MECOM: variants seen among roughly 807,000 people sequenced by gnomAD.
MECOM encodes the protein MDS1 and EVI1 complex locus, also known as histone-lysine N-methyltransferase MECOM.
Under a neutral mutation model 116.3 loss-of-function variants are expected in MECOM, and 13 were observed. The observed-to-expected ratio is 0.11, with a 90% confidence interval of 0.07 to 0.18. The LOEUF is 0.18. Among genes scored for constraint, MECOM ranks in the 10% least tolerant of loss-of-function variants. The pLI is 1.00. For synonymous variants in MECOM, 528 were observed against 535.2 expected (o/e 0.99, Z 0.19); for missense variants, 1,299 against 1,509.0 (o/e 0.86, Z 2.31).
chr3:169,429,800 T>G (rs1227183803), intron 1 of MECOM, among the ~76,000 whole-genome samples: 1 of 152,170 alleles, frequency 6.6e-6, no homozygotes, highest in Non-Finnish European at 1.5e-5. Flanking sequence ...TTACCACTTC[T>G]CTACGTCAGT....
chr3:169,473,398 G>A (rs7613621), intron 1 of MECOM, among the ~76,000 whole-genome samples: 62,097 of 152,020 alleles, frequency 0.41, 13,254 homozygotes, highest in Middle Eastern at 0.49. Flanking sequence ...TTGAAATTCA[G>A]CAACACGATT....
intron 1 of MECOM, among the ~76,000 whole-genome samples, chr3:169,427,741 T>G (rs1209245475): frequency 2.0e-5 from 3 of 152,206 alleles, no homozygotes; most frequent in Non-Finnish European, 4.4e-5. Context: ...TTGCTATCTT[T>G]TCTATCATTG....
rs16853321 is a variant in MECOM, at chr3:169,215,380, C to T, written c.376-71548G>A. On this transcript the variant is annotated intron_variant, in intron 2 of 16. Transcript: ENST00000651503. ...ATTTAAACATGAATCCGTGGAGCTC[C>T]TCCTTTTCTGAAATCCTCCATTTCT... Among the ~76,000 whole-genome samples, 454 of 152,118 alleles carry T rather than the reference C, an allele frequency of 3.0e-3. 3 individuals are homozygous for T. The highest frequency in any genetic ancestry group is 7.1e-3 in the African/African-American group (296 of 41,506).
intron 2 of MECOM, among the ~76,000 whole-genome samples, chr3:169,250,350 T>C (rs916882291): frequency 2.0e-5 from 3 of 152,236 alleles, no homozygotes; most frequent in African/African-American, 7.2e-5. Context: ...TTAAGAATTC[T>C]TCAAAGGCAT....
At chr3:169,203,515 A>C (rs1055204668) in intron 2 of MECOM, among the ~76,000 whole-genome samples, 1 of 152,194 alleles carries the variant, frequency 6.6e-6, no homozygotes, top group African/African-American at 2.4e-5. Context: ...ATGAGGTAAC[A>C]ATATAATAAT....
chr3:169,480,201 CT>C (rs747251721), intron 1 of MECOM, among the ~76,000 whole-genome samples: 1 of 152,146 alleles, frequency 6.6e-6, no homozygotes. Flanking sequence ...GTGCTGTCTT[CT>C]TTTTATTTAA....
chr3:169,394,722 G>T (rs1337873451), intron 1 of MECOM, among the ~76,000 whole-genome samples: 1 of 152,142 alleles, frequency 6.6e-6, no homozygotes, highest in East Asian at 1.9e-4. Context: ...TCAGGTTTTG[G>T]TAGCATTGAA....
intron 9 of MECOM, among the ~76,000 whole-genome samples, chr3:169,109,167 T>C (rs1232851484): frequency 6.6e-6 from 1 of 152,204 alleles, no homozygotes; most frequent in Non-Finnish European, 1.5e-5. Flanking sequence ...TCTTACCTAT[T>C]TGTGGCCATT....
intron 1 of MECOM, among the ~76,000 whole-genome samples, chr3:169,418,128 A>C (rs865800862): frequency 1.8e-4 from 27 of 151,360 alleles, no homozygotes; most frequent in Non-Finnish European, 2.8e-4. Context: ...AACTAAACAA[A>C]AAAAAAAAAA....
chr3:169,381,447 G>T lies in MECOM; in HGVS notation c.115C>A (p.Pro39Thr), dbSNP rs371288694. ...CATGGCTCTTGAATATTGAGGGAGG[G>T]AGTGCTGGCTACTCCATCTGCATCT... ...MPDADGVAST[P>T]SLNIQEPCSP... Residue 39 changes from proline to threonine, a missense_variant, in exon 2 of 17, where the codon CCC (proline) becomes ACC (threonine). Pro to Thr is a conservative substitution (Grantham distance 38). Coordinates refer to ENST00000651503, the MANE Select transcript of MECOM (RefSeq NM_004991.4). 3 of 1,613,574 alleles carry T rather than the reference G, an allele frequency of 1.9e-6. No homozygotes were observed. Among genetic ancestry groups the T allele is most frequent in the African/African-American group, 2.7e-5 (2 of 74,920 alleles).
At chr3:169,287,367 GT>G (rs67137109) in intron 2 of MECOM, among the ~76,000 whole-genome samples, 19,386 of 151,850 alleles carry the variant, frequency 0.13, 3,198 homozygotes, top group African/African-American at 0.37. Flanking sequence ...AACAAATAAT[GT>G]TTTTTTTGTT....
At chr3:169,570,645 T>C (rs1035861557) in intron 1 of MECOM, among the ~76,000 whole-genome samples, 80 of 152,192 alleles carry the variant, frequency 5.3e-4, no homozygotes, top group African/African-American at 1.9e-3. Context: ...TCCACCACGA[T>C]CAAGTCGGCT....
Position 169,316,468 on chromosome 3 carries a change from T to C in MECOM, c.375+64719A>G, listed in dbSNP as rs542195994. On this transcript the variant is annotated intron_variant, in intron 2 of 16. Transcript: ENST00000651503. ...TGATTTTATATTGTGTCTATGGCTA[T>C]GTAAAATGAGATAAGGGGCACAAAT... is the stretch of plus-strand genomic sequence containing the variant. Among the ~76,000 whole-genome samples, 8 of 152,354 alleles carry C rather than the reference T, an allele frequency of 5.3e-5. No individual in the cohort carries two copies. The East Asian group carries it at 7.7e-4, about 15-fold the overall frequency.
At chr3:169,482,330 T>TTTTTTTTTTTTCTG (rs1751427786) in intron 1 of MECOM, among the ~76,000 whole-genome samples, 1 of 128,764 alleles carries the variant, frequency 7.8e-6, no homozygotes, top group African/African-American at 3.1e-5. Flanking sequence ...CCCACGTTCT[T>TTTTTTTTTTTTCTG]TTTTTTTTTT....
At chr3:169,414,465 A>G (rs1434893897) in intron 1 of MECOM, among the ~76,000 whole-genome samples, 1 of 152,234 alleles carries the variant, frequency 6.6e-6, no homozygotes, top group Non-Finnish European at 1.5e-5. Flanking sequence ...CAAAAACCAG[A>G]ATGCCCATTC....
chr3:169,132,996 T>C (rs1374142875), intron 3 of MECOM, among the ~76,000 whole-genome samples: 2 of 151,886 alleles, frequency 1.3e-5, no homozygotes, highest in South Asian at 2.1e-4. Flanking sequence ...TCAAGCAATC[T>C]GCCCATCTAG....
chr3:169,564,794 A>G (rs1489163539), intron 1 of MECOM, among the ~76,000 whole-genome samples: 3 of 152,138 alleles, frequency 2.0e-5, no homozygotes, highest in Admixed American at 1.3e-4. Flanking sequence ...TCACTTAAAA[A>G]CCATAGCGCT....
At chr3:169,620,015 A>G (rs1268661233) in intron 1 of MECOM, among the ~76,000 whole-genome samples, 7 of 152,234 alleles carry the variant, frequency 4.6e-5, no homozygotes, top group Non-Finnish European at 2.9e-5. Flanking sequence ...TGCACCTGCT[A>G]GAATATCGTG....
chr3:169,657,228 C>T (rs777333556), intron 1 of MECOM, among the ~76,000 whole-genome samples: 6 of 152,198 alleles, frequency 3.9e-5, no homozygotes, highest in Admixed American at 2.6e-4. Context: ...TCCCTTTAGA[C>T]GCAGTTAATA....
Sources: allele counts gnomAD v4.1 joint callset (sites outside exome capture counted in the v4.1 genomes callset), GRCh38; gene constraint gnomAD v4.1.1; transcripts MANE v1.5; gene names NCBI Gene and HGNC (gene_info 2026-07-23, HGNC 2026-07-21).